Variants in MAST4 observed in about 807,000 individuals in gnomAD.
MAST4 encodes microtubule associated serine/threonine kinase family member 4.
MAST4 carries 89 observed loss-of-function variants against 162.7 expected under a neutral mutation model. That is an observed-to-expected ratio of 0.55 (90% CI 0.46 to 0.65). The LOEUF (loss-of-function observed/expected upper bound fraction) is 0.65. Among genes scored for constraint, MAST4 ranks in the 30% least tolerant of loss-of-function variants. MAST4 has a pLI of 0.00. For missense variants in MAST4, 3,153 were observed against 3,374.0 expected, an observed-to-expected ratio of 0.93 and a Z score of 1.62; for synonymous variants, 1,479 against 1,361.1, an observed-to-expected ratio of 1.09 and a Z score of -1.91.
intron 4 of MAST4, among the ~76,000 whole-genome samples, chr5:67,004,242 C>T (rs993732233): frequency 4.6e-5 from 7 of 152,126 alleles, no homozygotes; most frequent in Non-Finnish European, 8.8e-5. Context: ...GCCCCCGCTC[C>T]TCAGGCGCGG....
At chr5:66,952,004 G>A (rs576786271) in intron 4 of MAST4, among the ~76,000 whole-genome samples, 66 of 152,054 alleles carry the variant, frequency 4.3e-4, no homozygotes, top group African/African-American at 1.5e-3. Context: ...TCCATGTTCC[G>A]CCCTTTCTTT....
At chr5:66,963,004 C>G (rs1348730373) in intron 4 of MAST4, among the ~76,000 whole-genome samples, 1 of 146,498 alleles carries the variant, frequency 6.8e-6, no homozygotes, top group Non-Finnish European at 1.5e-5. Flanking sequence ...TCCAACCACA[C>G]TGTGATGAAT....
chr5:67,065,760 G>T (rs901501851), intron 5 of MAST4, among the ~76,000 whole-genome samples: 22 of 152,154 alleles, frequency 1.4e-4, no homozygotes, highest in Non-Finnish European at 2.9e-4. Flanking sequence ...TGGCATAATT[G>T]TAGTTTCAGC....
intron 1 of MAST4, among the ~76,000 whole-genome samples, chr5:66,726,135 TGATA>T (rs925694771): frequency 6.6e-6 from 1 of 151,520 alleles, no homozygotes; most frequent in Non-Finnish European, 1.5e-5. Context: ...GGGGAGGCAA[TGATA>T]GATTGAAAAT....
chr5:66,603,786 A>G (rs1345625292), intron 1 of MAST4, among the ~76,000 whole-genome samples: 4 of 152,166 alleles, frequency 2.6e-5, no homozygotes, highest in Admixed American at 2.6e-4. Flanking sequence ...TTCTCTTCCA[A>G]ACAACTGGTG....
chr5:66,664,735 C>T (rs1011741910), intron 1 of MAST4, among the ~76,000 whole-genome samples: 8 of 151,580 alleles, frequency 5.3e-5, no homozygotes, highest in African/African-American at 1.7e-4. Flanking sequence ...TAGAAACCTA[C>T]AATTCAGAAA....
chr5:67,155,601 A>G (rs765422231), intron 26 of MAST4, among the ~76,000 whole-genome samples: 10 of 152,294 alleles, frequency 6.6e-5, no homozygotes, highest in Non-Finnish European at 1.2e-4. Flanking sequence ...AGAAGCCGTA[A>G]AACTTTACCA....
intron 26 of MAST4, 116 bp from the exon 27 acceptor site, chr5:67,160,340 A>C: frequency 1.9e-6 from 2 of 1,033,844 alleles, no homozygotes; most frequent in Non-Finnish European, 2.7e-6. Context: ...TAGAAACAGA[A>C]GGCCTTTTAT....
rs749447082 is a variant in MAST4 at position 67,102,383 on chromosome 5, G to T, written c.1071-153G>T. 9.7e-6 allele frequency: 7 copies of T among 722,882 alleles called. No individual in the cohort carries two copies. In the East Asian group the frequency reaches 1.9e-4, roughly 19 times the overall value. 44.8% of individuals were successfully genotyped at this position (722,882 alleles called of 1,614,324 possible). A position where few individuals can be genotyped will look rare whatever the true frequency, so the allele number is the denominator to read the frequency against. On this transcript the variant is annotated intron_variant, in intron 8 of 28. Transcript: ENST00000403625. ...TTTATGGGAATGTATGTGTGCATGTGTACTAATGACTGATTTTGTAGTTTA... is the reference window on the plus strand; with the variant it reads ...TTTATGGGAATGTATGTGTGCATGTTTACTAATGACTGATTTTGTAGTTTA...
chr5:66,901,627 A>G (rs976187744), intron 4 of MAST4, among the ~76,000 whole-genome samples: 3 of 152,174 alleles, frequency 2.0e-5, no homozygotes, highest in Non-Finnish European at 4.4e-5. Flanking sequence ...TCCCCTCCCT[A>G]TTAAAAGTCA....
chr5:66,629,311 C>T (rs761642478), intron 1 of MAST4, among the ~76,000 whole-genome samples: 1 of 152,170 alleles, frequency 6.6e-6, no homozygotes, highest in East Asian at 1.9e-4. Flanking sequence ...GGTTTTACTG[C>T]AAACTAGAAG....
At position 67,134,537 on chromosome 5, in the gene MAST4, T is replaced by G. The variant is rs1769385538; in HGVS notation, c.2241T>G (p.Pro747=). The part of the protein sequence containing the change: ...EFLDKQVCGT[P]EYIAPEVILR... ...TTATCTTTTAGGTCTGTGGCACACC[T>G]GAATACATTGCACCAGAAGTGATTC... The change falls in exon 18 of 29, where the codon CCT becomes CCG. Residue 747 remains proline, a synonymous_variant. Transcript: ENST00000403625. 6.2e-7 allele frequency: 1 copy of G among 1,613,354 alleles called. No homozygotes were observed. The highest frequency in any genetic ancestry group is 1.7e-4 in the Middle Eastern group (1 of 6,058).
chr5:67,049,008 C>CATAT (rs1309526315), intron 4 of MAST4, among the ~76,000 whole-genome samples: 3 of 104,514 alleles, frequency 2.9e-5, no homozygotes, highest in East Asian at 2.2e-4. Flanking sequence ...TATACACACA[C>CATAT]ATATATATAT....
At chr5:67,078,848 TTATATATTTATATAAA>T (rs1200315757) in intron 5 of MAST4, among the ~76,000 whole-genome samples, 20 of 111,108 alleles carry the variant, frequency 1.8e-4, no homozygotes, top group Non-Finnish European at 3.1e-4. Flanking sequence ...TTAAATATAT[TTATATATTTATATAAA>T]TATATATTTA....
chr5:66,746,152 T>C (rs59885378), intron 1 of MAST4, among the ~76,000 whole-genome samples: 1 of 152,114 alleles, frequency 6.6e-6, no homozygotes. Flanking sequence ...GTTTTGTGAT[T>C]CTGTAATTCT....
chr5:66,739,698 G>A (rs1752372426), intron 1 of MAST4, among the ~76,000 whole-genome samples: 1 of 152,126 alleles, frequency 6.6e-6, no homozygotes, highest in Admixed American at 6.5e-5. Context: ...CTGCACACAA[G>A]ACACCGGGAT....
intron 4 of MAST4, among the ~76,000 whole-genome samples, chr5:66,951,815 C>G (rs1381395208): frequency 6.6e-6 from 1 of 152,108 alleles, no homozygotes; most frequent in Non-Finnish European, 1.5e-5. Flanking sequence ...CTCTTGTTGG[C>G]ACTTTCTATG....
intron 5 of MAST4, among the ~76,000 whole-genome samples, chr5:67,082,121 C>T (rs913866597): frequency 1.4e-4 from 21 of 149,760 alleles, no homozygotes; most frequent in South Asian, 4.2e-4. Context: ...AATTGAGGGA[C>T]ATTCTGCAAA....
In MAST4 at chr5:67,168,031, C is replaced by G. The variant is rs1187203559; in HGVS notation, c.*980C>G. The G allele has an allele frequency of 6.6e-6, 1 of 152,202 alleles. No homozygotes were observed. Among genetic ancestry groups the G allele is most frequent in the East Asian group, 1.9e-4 (1 of 5,190 alleles). The allele number at this position is 152,202 out of a possible 1,614,324, so 9.4% of individuals were successfully genotyped here. Reference sequence around the variant, plus strand: ...GTAGTAGTCCTGCACCAGCCCTGCTCTTGAATAAAAAGGAAAATTACTGGC... The same window carrying G: ...GTAGTAGTCCTGCACCAGCCCTGCTGTTGAATAAAAAGGAAAATTACTGGC... On this transcript the variant is annotated 3_prime_UTR_variant, in exon 29 of 29. Transcript: ENST00000403625.
Sources: allele counts gnomAD v4.1 joint callset (sites outside exome capture counted in the v4.1 genomes callset), GRCh38; gene constraint gnomAD v4.1.1; transcripts MANE v1.5; gene names NCBI Gene and HGNC (gene_info 2026-07-23, HGNC 2026-07-21).